SMYD3: variants seen among roughly 807,000 people sequenced by gnomAD.
SMYD3 encodes the protein histone-lysine N-methyltransferase SMYD3.
Under a neutral mutation model 57.7 loss-of-function variants are expected in SMYD3, and 36 were observed. The observed-to-expected ratio is 0.62, with a 90% CI of 0.48 to 0.82. SMYD3 has a LOEUF of 0.82. Among genes scored for constraint, SMYD3 ranks in the 40% least tolerant of loss-of-function variants. The probability of loss-of-function intolerance (pLI) is 0.00; values close to 1 mark genes in which losing one functional copy is unlikely to be tolerated. For missense variants in SMYD3, 515 were observed against 538.8 expected (o/e 0.96, Z 0.44); for synonymous variants, 211 against 195.0 (o/e 1.08, Z -0.68).
At chr1:246,013,336 T>G (rs185780635) in intron 5 of SMYD3, among the ~76,000 whole-genome samples, 1 of 152,058 alleles carries the variant, frequency 6.6e-6, no homozygotes, top group Non-Finnish European at 1.5e-5. Context: ...CGTGCCACCA[T>G]GTCCAGCTAA....
chr1:246,326,579 T>TCC (rs2148660047), intron 5 of SMYD3, among the ~76,000 whole-genome samples: 1 of 145,850 alleles, frequency 6.9e-6, no homozygotes, highest in African/African-American at 2.5e-5. Context: ...TTCAAGACCA[T>TCC]CCGTCTCTAC....
At chr1:245,806,726 A>G (rs562350866) in intron 10 of SMYD3, among the ~76,000 whole-genome samples, 1 of 151,558 alleles carries the variant, frequency 6.6e-6, no homozygotes, top group East Asian at 1.9e-4. Context: ...CTGGCTAACA[A>G]GGTGAAACCC....
At chr1:246,167,110 G>A (rs1191407353) in intron 5 of SMYD3, among the ~76,000 whole-genome samples, 2 of 152,176 alleles carry the variant, frequency 1.3e-5, no homozygotes, top group Non-Finnish European at 2.9e-5. Context: ...GAGCATGTAT[G>A]GGTACTTCAT....
chr1:246,338,725 A>C (rs925286453), intron 2 of SMYD3, among the ~76,000 whole-genome samples: 2 of 152,232 alleles, frequency 1.3e-5, no homozygotes, highest in Non-Finnish European at 2.9e-5. Flanking sequence ...ACAACTTCAG[A>C]ATCTATACAG....
intron 11 of SMYD3, among the ~76,000 whole-genome samples, chr1:245,762,888 A>G (rs1250460228): frequency 6.6e-6 from 1 of 152,172 alleles, no homozygotes; most frequent in East Asian, 1.9e-4. Flanking sequence ...ATGGCGGCCC[A>G]GAGGGTCCTG....
intron 8 of SMYD3, among the ~76,000 whole-genome samples, chr1:245,893,940 C>G (rs569337018): frequency 6.4e-4 from 97 of 152,316 alleles, no homozygotes; most frequent in African/African-American, 2.2e-3. Context: ...GGGCTATACT[C>G]TTGAAAGCTC....
Position 246,413,105 on chromosome 1 carries a change from GC to G in SMYD3, c.165-58012del, listed in dbSNP as rs377170609. Among the ~76,000 whole-genome samples the G allele has an allele frequency of 6.1e-3, 922 of 152,254 alleles. 11 individuals carry two copies. Among genetic ancestry groups the G allele is most frequent in the African/African-American group, 0.021 (879 of 41,538 alleles). On this transcript the variant is annotated intron_variant, in intron 1 of 11. Transcript: ENST00000490107. Reference sequence around the variant, plus strand: ...AATTTGTCTAATTCTATTACATCATGCTACCACTCTACAGTAATTATAATTA... The same window carrying G: ...AATTTGTCTAATTCTATTACATCATGTACCACTCTACAGTAATTATAATTA...
intron 5 of SMYD3, among the ~76,000 whole-genome samples, chr1:246,048,208 CTATT>C (rs1193518230): frequency 6.6e-6 from 1 of 152,196 alleles, no homozygotes; most frequent in Non-Finnish European, 1.5e-5. Context: ...TTAGTTAACA[CTATT>C]TACCCAGTAG....
chr1:245,768,415 A>G (rs12410386), intron 10 of SMYD3, among the ~76,000 whole-genome samples: 14,544 of 152,226 alleles, frequency 0.096, 790 homozygotes, highest in Admixed American at 0.16. Context: ...TGGAGAAGAA[A>G]TATCTGATGC....
intron 1 of SMYD3, among the ~76,000 whole-genome samples, chr1:246,482,216 G>C (rs1433862700): frequency 6.6e-6 from 1 of 152,126 alleles, no homozygotes. Flanking sequence ...TTTGCCATGA[G>C]AGGTAAAATG....
intron 5 of SMYD3, among the ~76,000 whole-genome samples, chr1:246,136,030 A>G (rs2061661136): frequency 6.6e-6 from 1 of 152,222 alleles, no homozygotes; most frequent in African/African-American, 2.4e-5. Flanking sequence ...GCCTGCTGAT[A>G]ACTTCTCACT....
intron 10 of SMYD3, chr1:245,789,050 G>A (rs371137400): frequency 8.5e-5 from 13 of 152,192 alleles, no homozygotes; most frequent in African/African-American, 3.1e-4. Flanking sequence ...TCCTTTGAAG[G>A]TGAAGTCAAG....
intron 5 of SMYD3, among the ~76,000 whole-genome samples, chr1:246,225,021 G>A (rs2063307615): frequency 6.6e-6 from 1 of 151,362 alleles, no homozygotes; most frequent in Non-Finnish European, 1.5e-5. Context: ...CGGGAGCTCA[G>A]TATAGCAATC....
chr1:245,801,091 A>G (rs2047837975), intron 10 of SMYD3, among the ~76,000 whole-genome samples: 1 of 152,214 alleles, frequency 6.6e-6, no homozygotes, highest in Non-Finnish European at 1.5e-5. Context: ...TTTTAAAGTC[A>G]AGTTTCTGGT....
chr1:246,357,650 G>A (rs2065928404), intron 1 of SMYD3, among the ~76,000 whole-genome samples: 1 of 152,106 alleles, frequency 6.6e-6, no homozygotes, highest in Non-Finnish European at 1.5e-5. Context: ...AGAAGGGATT[G>A]GGGTCCTATT....
intron 1 of SMYD3, among the ~76,000 whole-genome samples, chr1:246,429,112 T>A (rs2067262960): frequency 1.4e-5 from 2 of 142,178 alleles, no homozygotes; most frequent in Non-Finnish European, 3.1e-5. Context: ...TTGCCCAGAG[T>A]TATCTATGCC....
Position 246,182,303 on chromosome 1 carries a change from C to T in SMYD3, c.531+144898G>A, listed in dbSNP as rs567462666. The stretch of plus-strand genomic sequence containing the variant: ...TTCCCCTTTCTCCTATTACCTCAGC[C>T]TTCACTCCACTTAATCTTCCCATCT... On this transcript the variant is annotated intron_variant, in intron 5 of 11. Transcript: ENST00000490107. Among the ~76,000 whole-genome samples the T allele has an allele frequency of 6.6e-5, 10 of 152,300 alleles. No homozygotes were observed. The East Asian group carries it at 1.7e-3, about 26-fold the overall frequency.
chr1:245,804,151 T>C (rs1167142931), intron 10 of SMYD3, among the ~76,000 whole-genome samples: 2 of 152,076 alleles, frequency 1.3e-5, no homozygotes, highest in African/African-American at 4.8e-5. Context: ...GTCCTTGTGA[T>C]CTGCCCATCT....
At chr1:245,806,724 C>T (rs1186691041) in intron 10 of SMYD3, among the ~76,000 whole-genome samples, 1 of 151,590 alleles carries the variant, frequency 6.6e-6, no homozygotes, top group Non-Finnish European at 1.5e-5. Flanking sequence ...TCCTGGCTAA[C>T]AAGGTGAAAC....
Sources: allele counts gnomAD v4.1 joint callset (sites outside exome capture counted in the v4.1 genomes callset), GRCh38; gene constraint gnomAD v4.1.1; transcripts MANE v1.5; gene names NCBI Gene and HGNC (gene_info 2026-07-23, HGNC 2026-07-21).